The following FKBP15 variants were observed in gnomAD, a reference collection of about 807,000 sequenced individuals.
FKBP15 encodes the protein FK506-binding protein 15.
In FKBP15, 106 loss-of-function variants were observed where a neutral mutation model predicts 158.1. That is an observed-to-expected ratio of 0.67 (90% CI 0.57 to 0.79). The LOEUF is 0.79. Among genes scored for constraint, FKBP15 ranks in the 30% least tolerant of loss-of-function variants. The probability of loss-of-function intolerance (pLI) is 0.00; values close to 1 mark genes in which losing one functional copy is unlikely to be tolerated. For missense variants in FKBP15, 1,287 were observed against 1,479.1 expected (o/e 0.87, Z 2.13); for synonymous variants, 547 against 548.6 (o/e 1.00, Z 0.04).
chr9:113,189,261 A>T (rs1349513222), intron 12 of FKBP15, among the ~76,000 whole-genome samples: 1 of 152,228 alleles, frequency 6.6e-6, no homozygotes, highest in Non-Finnish European at 1.5e-5. Flanking sequence ...GCTCTTAACC[A>T]ACCTAAATGT....
intron 21 of FKBP15, 136 bp downstream of exon 21, chr9:113,176,401 A>G: frequency 9.8e-7 from 1 of 1,018,864 alleles, no homozygotes; most frequent in Non-Finnish European, 1.4e-6. Flanking sequence ...AGAGCGGGGA[A>G]AATTTTTTTT....
intron 4 of FKBP15, 23 bp from the exon 5 acceptor site, chr9:113,203,058 AG>A (rs1830824104): frequency 5.4e-6 from 8 of 1,471,564 alleles, no homozygotes; most frequent in Admixed American, 2.0e-5. Context: ...AACGACAGAT[AG>A]AAAAAAAAAA....
At chr9:113,206,686 G>A (rs917081272) in intron 3 of FKBP15, 108 bp from the exon 4 acceptor site, 6 of 551,726 alleles carry the variant, frequency 1.1e-5, no homozygotes, top group East Asian at 5.2e-5. Context: ...CAGCCTCTAG[G>A]CAGGGACACA....
In FKBP15 at chr9:113,165,161, G is replaced by C. The variant is rs1195972727; in HGVS notation, c.*917C>G. On this transcript the variant is annotated 3_prime_UTR_variant, in exon 28 of 28. Transcript: ENST00000238256. ...TAAGTCCTGGTCCCATGAGTTCTAA[G>C]GGAATGGAAGCTGCTCTCAAAGTGA... 1.3e-5 allele frequency: 2 copies of C among 152,116 alleles called. No homozygotes were observed. The highest frequency in any genetic ancestry group is 1.3e-4 in the Admixed American group (2 of 15,272). The allele number at this position is 152,116 out of a possible 1,614,324, so 9.4% of individuals were successfully genotyped here. A position where few individuals can be genotyped will look rare whatever the true frequency, so the allele number is the denominator to read the frequency against.
rs1830074610 is a variant in FKBP15, at chr9:113,164,940, A to G, written c.*1138T>C. 1 of 152,254 alleles carries G rather than the reference A, an allele frequency of 6.6e-6. No individual in the cohort carries two copies. Among genetic ancestry groups the G allele is most frequent in the African/African-American group, 2.4e-5 (1 of 41,458 alleles). 9.4% of individuals were successfully genotyped at this position (152,254 alleles called of 1,614,324 possible). A position where few individuals can be genotyped will look rare whatever the true frequency, so the allele number is the denominator to read the frequency against. On this transcript the variant is annotated 3_prime_UTR_variant, in exon 28 of 28. Coordinates refer to ENST00000238256, the MANE Select transcript of FKBP15 (RefSeq NM_015258.2). ...TCCCAGGTCCGCACACGGGAGACAT[A>G]TCCAAAGCCTGCAAGGATGATGCCA...
chr9:113,184,917 G>A lies in FKBP15; in HGVS notation c.1499-113C>T. The A allele has an allele frequency of 2.5e-6, 2 of 810,898 alleles. No individual in the cohort carries two copies. Among genetic ancestry groups the A allele is most frequent in the Admixed American group, 2.4e-5 (1 of 40,850 alleles). 50.2% of individuals were successfully genotyped at this position (810,898 alleles called of 1,614,324 possible). On this transcript the variant is annotated intron_variant, in intron 15 of 27. Coordinates refer to ENST00000238256, the MANE Select transcript of FKBP15 (RefSeq NM_015258.2). The surrounding 1 kb of genome is among the most constrained non-coding windows in gnomAD (Gnocchi z 4.5). ...AAGAAATTAATACTTCCATACACTA[G>A]GAAATGCTATAGGTGACTTCACCCT...
chr9:113,211,999 C>T (rs4342685), intron 1 of FKBP15, among the ~76,000 whole-genome samples: 118,166 of 151,900 alleles, frequency 0.78, 46,143 homozygotes, highest in Admixed American at 0.82. Flanking sequence ...CCCTTACTGA[C>T]TACTCCCCCT....
At chr9:113,217,230 T>C (rs1831157638) in intron 1 of FKBP15, among the ~76,000 whole-genome samples, 1 of 119,388 alleles carries the variant, frequency 8.4e-6, no homozygotes, top group South Asian at 2.9e-4. Context: ...TTTTTTTTAA[T>C]GAGACGGAGT....
In FKBP15 at chr9:113,161,450, G is replaced by T; in HGVS notation, c.*4628C>A. 6.7e-7 allele frequency: 1 copy of T among 1,492,128 alleles called. No homozygotes were observed. The highest frequency in any genetic ancestry group is 9.3e-7 in the Non-Finnish European group (1 of 1,075,908). 92.4% of individuals were successfully genotyped at this position (1,492,128 alleles called of 1,614,324 possible). On this transcript the variant is annotated 3_prime_UTR_variant, in exon 28 of 28. Transcript: ENST00000238256. ...GTGGATTCCATGAACAGGTGGAGGT[G>T]CTGGAAGGGAAACAGTGCTGGCCTG...
At chr9:113,171,531 C>T in intron 24 of FKBP15, 50 bp downstream of exon 24, 1 of 1,584,442 alleles carries the variant, frequency 6.3e-7, no homozygotes, top group Non-Finnish European at 8.6e-7. Flanking sequence ...CATGTTCTTT[C>T]TGAATGCTTG....
chr9:113,213,410 CAA>C (rs61181107), intron 1 of FKBP15, among the ~76,000 whole-genome samples: 8 of 136,162 alleles, frequency 5.9e-5, no homozygotes, highest in Non-Finnish European at 8.0e-5. Flanking sequence ...ACTCCGTCTC[CAA>C]AAAAAAAAAA....
At chr9:113,204,691 T>C (rs193294960) in intron 4 of FKBP15, among the ~76,000 whole-genome samples, 18 of 152,342 alleles carry the variant, frequency 1.2e-4, no homozygotes, top group African/African-American at 3.8e-4. Flanking sequence ...GTCTGAATAT[T>C]TTCTATGTTA....
Position 113,169,406 on chromosome 9 carries a change from G to A in FKBP15, c.3303C>T (p.Asp1101=). 6.2e-7 allele frequency: 1 copy of A among 1,614,040 alleles called. No individual in the cohort carries two copies. The highest frequency in any genetic ancestry group is 8.5e-7 in the Non-Finnish European group (1 of 1,179,888). Residue 1101 remains aspartate (D), a synonymous_variant, in exon 26 of 28, where the codon GAC becomes GAT. Transcript: ENST00000238256. The part of the protein sequence containing the change: ...ESSTRLSLTS[D]PEEGDPLALG... ...AGGCCAGTGGGTCCCCCTCCTCGGG[G>A]TCTGAAGTCAGGGACAGTCTTGTGG...
At chr9:113,196,378 T>G (rs1830682706) in intron 9 of FKBP15, among the ~76,000 whole-genome samples, 1 of 117,550 alleles carries the variant, frequency 8.5e-6, no homozygotes. Flanking sequence ...TGTGAAGAAG[T>G]GACTTTTTTT....
Position 113,221,076 on chromosome 9 carries a change from G to A in FKBP15, c.53+115C>T, listed in dbSNP as rs1052703380. On this transcript the variant is annotated intron_variant, in intron 1 of 27. Coordinates refer to ENST00000238256, the MANE Select transcript of FKBP15 (RefSeq NM_015258.2). Reference sequence around the variant, plus strand: ...GAGAGGTGTAGAGCACCGGAATGTGGCAAGGGTCTCCCCCCGGAAGTTGGG... The same window carrying A: ...GAGAGGTGTAGAGCACCGGAATGTGACAAGGGTCTCCCCCCGGAAGTTGGG... The A allele has an allele frequency of 6.9e-6, 8 of 1,157,108 alleles. No individual in the cohort carries two copies. In the African/African-American group the frequency reaches 1.2e-4, roughly 18 times the overall value. 71.7% of individuals were successfully genotyped at this position (1,157,108 alleles called of 1,614,324 possible). A position where few individuals can be genotyped will look rare whatever the true frequency, so the allele number is the denominator to read the frequency against.
At chr9:113,217,694 A>G (rs1250015326) in intron 1 of FKBP15, among the ~76,000 whole-genome samples, 1 of 152,080 alleles carries the variant, frequency 6.6e-6, no homozygotes, top group African/African-American at 2.4e-5. Flanking sequence ...ATTAAAAATT[A>G]GCCAGGCGTG....
intron 21 of FKBP15, among the ~76,000 whole-genome samples, chr9:113,176,252 G>A (rs1830297884): frequency 6.6e-6 from 1 of 152,038 alleles, no homozygotes; most frequent in African/African-American, 2.4e-5. Flanking sequence ...AACATTAAAC[G>A]TGATACCACT....
intron 20 of FKBP15, among the ~76,000 whole-genome samples, chr9:113,177,776 T>C (rs1382752944): frequency 2.0e-5 from 3 of 152,228 alleles, no homozygotes; most frequent in Non-Finnish European, 4.4e-5. Flanking sequence ...CCCTGCCCAC[T>C]AGTCCCATGT....
chr9:113,210,767 T>A (rs113295537), intron 2 of FKBP15, among the ~76,000 whole-genome samples: 6 of 132,972 alleles, frequency 4.5e-5, no homozygotes, highest in Non-Finnish European at 8.3e-5. Flanking sequence ...CCAGCGTGGC[T>A]AGTATAAGGC....
Sources: gnomAD v4.1 joint callset for allele counts (sites outside exome capture counted in the v4.1 genomes callset) on GRCh38, gnomAD v4.1.1 for gene constraint, Gnocchi (gnomAD v3.1) non-coding constraint, MANE v1.5 for transcripts, NCBI Gene and HGNC (gene_info 2026-07-23, HGNC 2026-07-21) for gene names.